ERBB4: variants seen among roughly 807,000 people sequenced by gnomAD.
ERBB4 encodes erb-b2 receptor tyrosine kinase 4, also known as receptor tyrosine-protein kinase erbB-4.
A neutral mutation model predicts 158.0 loss-of-function variants in ERBB4; 42 were observed. That is an observed-to-expected ratio of 0.27 (90% confidence interval 0.21 to 0.34). ERBB4 has a LOEUF of 0.34. ERBB4 is among the 10% of genes least tolerant of loss of function. The pLI, the probability that ERBB4 is intolerant of heterozygous loss-of-function variation, is 1.00. For synonymous variants in ERBB4, 583 were observed against 558.7 expected, an observed-to-expected ratio of 1.04 and a Z score of -0.61; for missense variants, 1,333 against 1,624.1, an observed-to-expected ratio of 0.82 and a Z score of 3.08.
chr2:211,476,365 A>G (rs969483550), intron 20 of ERBB4, among the ~76,000 whole-genome samples: 3 of 152,118 alleles, frequency 2.0e-5, no homozygotes, highest in African/African-American at 7.2e-5. Context: ...GTGAGACAAA[A>G]GAGAATCACT....
At chr2:212,395,523 G>A (rs919992912) in intron 1 of ERBB4, among the ~76,000 whole-genome samples, 1 of 150,984 alleles carries the variant, frequency 6.6e-6, no homozygotes, top group Non-Finnish European at 1.5e-5. Context: ...CCTATGCTAA[G>A]GAAAGAGCAT....
chr2:211,420,610 C>T lies in ERBB4; in HGVS notation c.2966G>A (p.Gly989Asp), dbSNP rs757867095. ...ACTGGGAAGCTTCATACGATCATCA[C>T]CCTAAAAGAAAGATTGCCCATCAGA... ...RDPQRYLVIQ[G>D]DDRMKLPSPN... The change falls in exon 25 of 28, where the codon GGT (glycine) becomes GAT (aspartate). Residue 989 changes from glycine to aspartate, a missense_variant and splice_region_variant. Coordinates refer to ENST00000342788, the MANE Select transcript of ERBB4 (RefSeq NM_005235.3). The T allele has an allele frequency of 1.9e-6, 3 of 1,605,486 alleles. No individual in the cohort carries two copies. Among genetic ancestry groups the T allele is most frequent in the East Asian group, 4.5e-5 (2 of 44,756 alleles).
chr2:212,210,165 A>G (rs2082888550), intron 1 of ERBB4, among the ~76,000 whole-genome samples: 1 of 151,510 alleles, frequency 6.6e-6, no homozygotes, highest in Non-Finnish European at 1.5e-5. Flanking sequence ...AAGAAATGAA[A>G]GTAGGAAGTT....
rs112995092 is a variant in ERBB4 at position 211,673,435 on chromosome 2, A to G, written c.1623-178T>C. On this transcript the variant is annotated intron_variant, in intron 13 of 27. Coordinates refer to ENST00000342788, the MANE Select transcript of ERBB4 (RefSeq NM_005235.3). ...AGGAGAAAAGATAAACTGCAGCCAG[A>G]TGGCTCTCCCTGTCCTCCATTGAGT... Among the ~76,000 whole-genome samples the G allele has an allele frequency of 4.2e-3, 626 of 148,822 alleles. 5 individuals carry two copies. Among genetic ancestry groups the G allele is most frequent in the African/African-American group, 0.015 (592 of 40,302 alleles).
At chr2:211,937,630 C>T (rs839528) in intron 3 of ERBB4, among the ~76,000 whole-genome samples, 26,509 of 152,030 alleles carry the variant, frequency 0.17, 2,693 homozygotes, top group African/African-American at 0.28. Context: ...ACACATCCTT[C>T]TTCACAGGCC....
At chr2:211,895,283 G>T (rs576296104) in intron 3 of ERBB4, among the ~76,000 whole-genome samples, 93 of 152,206 alleles carry the variant, frequency 6.1e-4, no homozygotes, top group Non-Finnish European at 1.2e-3. Flanking sequence ...TTGTGACAGG[G>T]TCTCTCTCCG....
At chr2:212,296,102 A>C (rs1372499646) in intron 1 of ERBB4, among the ~76,000 whole-genome samples, 1 of 151,990 alleles carries the variant, frequency 6.6e-6, no homozygotes, top group East Asian at 1.9e-4. Flanking sequence ...TATGTAATTC[A>C]TTGAGCATTC....
At chr2:211,784,754 T>A (rs1486654176) in intron 4 of ERBB4, among the ~76,000 whole-genome samples, 1 of 152,186 alleles carries the variant, frequency 6.6e-6, no homozygotes, top group Non-Finnish European at 1.5e-5. Context: ...CTCACATTTG[T>A]TATTTTCTTT....
At chr2:212,243,582 G>A (rs943035829) in intron 1 of ERBB4, among the ~76,000 whole-genome samples, 3 of 151,988 alleles carry the variant, frequency 2.0e-5, no homozygotes, top group African/African-American at 7.3e-5. Context: ...TTTTTTCAGA[G>A]TAAATATACT....
intron 3 of ERBB4, among the ~76,000 whole-genome samples, chr2:211,790,465 G>T (rs1224659561): frequency 6.6e-6 from 1 of 151,988 alleles, no homozygotes; most frequent in Non-Finnish European, 1.5e-5. Flanking sequence ...AATAGAATCA[G>T]ATTATATTAT....
intron 1 of ERBB4, among the ~76,000 whole-genome samples, chr2:212,535,852 T>C (rs939781807): frequency 6.6e-6 from 1 of 152,218 alleles, no homozygotes; most frequent in Admixed American, 6.5e-5. Context: ...TAAAGATCTA[T>C]ACAACAGCAT....
Position 211,921,546 on chromosome 2 carries a change from TGA to T in ERBB4, c.421+25882_421+25883del, listed in dbSNP as rs147050875. Among the ~76,000 whole-genome samples, 536 of 152,178 alleles carry T rather than the reference TGA, an allele frequency of 3.5e-3. 1 individual carries two copies. Among genetic ancestry groups the T allele is most frequent in the African/African-American group, 0.012 (518 of 41,552 alleles). ...AACAAATTTGCATCATATCAGTGAA[TGA>T]GAGAGAGAAGGTTTCTATTCTCTTA... On this transcript the variant is annotated intron_variant, in intron 3 of 27. Coordinates refer to ENST00000342788, the MANE Select transcript of ERBB4 (RefSeq NM_005235.3).
At chr2:212,484,413 G>T (rs1689870543) in intron 1 of ERBB4, among the ~76,000 whole-genome samples, 1 of 152,108 alleles carries the variant, frequency 6.6e-6, no homozygotes, top group Admixed American at 6.5e-5. Flanking sequence ...AACATTTATT[G>T]TAAGGTGAAC....
intron 1 of ERBB4, among the ~76,000 whole-genome samples, chr2:212,478,397 A>G (rs1198931412): frequency 6.6e-6 from 1 of 152,080 alleles, no homozygotes; most frequent in Non-Finnish European, 1.5e-5. Flanking sequence ...TTGAACTACG[A>G]AATCCCAAAG....
rs980261723 is a variant in ERBB4, at chr2:212,324,018, C to T, written c.83-199115G>A. On this transcript the variant is annotated intron_variant, in intron 1 of 27. Coordinates refer to ENST00000342788, the MANE Select transcript of ERBB4 (RefSeq NM_005235.3). Reference sequence around the variant, plus strand: ...GTGTTCCAGTATCCACCAACTCATACGAATTTCCAGAATATCGTAAGTCAA... The same window carrying T: ...GTGTTCCAGTATCCACCAACTCATATGAATTTCCAGAATATCGTAAGTCAA... Among the ~76,000 whole-genome samples the T allele has an allele frequency of 7.3e-5, 11 of 150,392 alleles. 1 individual carries two copies. The highest frequency in any genetic ancestry group is 1.6e-4 in the Non-Finnish European group (11 of 67,150).
At chr2:212,493,248 A>C (rs2106207921) in intron 1 of ERBB4, among the ~76,000 whole-genome samples, 1 of 151,646 alleles carries the variant, frequency 6.6e-6, no homozygotes, top group Admixed American at 6.6e-5. Context: ...ACACACATAT[A>C]AATAAATGTA....
Position 212,025,428 on chromosome 2 carries a change from AAG to A in ERBB4, c.235-77814_235-77813del, listed in dbSNP as rs547508473. Among the ~76,000 whole-genome samples the A allele has an allele frequency of 1.1e-3, 170 of 151,946 alleles. 1 individual carries two copies. Among genetic ancestry groups the A allele is most frequent in the Non-Finnish European group, 1.7e-3 (117 of 67,778 alleles). On this transcript the variant is annotated intron_variant, in intron 2 of 27. Transcript: ENST00000342788. ...TATTCATATTTATGATGGAATTACAAAGAGAAGTAGAAAGTCTTGTCCAAAGA... is the reference window on the plus strand; with the variant it reads ...TATTCATATTTATGATGGAATTACAAAGAAGTAGAAAGTCTTGTCCAAAGA...
At chr2:211,691,202 A>G (rs1403486778) in intron 12 of ERBB4, among the ~76,000 whole-genome samples, 1 of 152,132 alleles carries the variant, frequency 6.6e-6, no homozygotes, top group African/African-American at 2.4e-5. Context: ...TTAAACCCTT[A>G]CTCTGTAATT....
intron 1 of ERBB4, among the ~76,000 whole-genome samples, chr2:212,303,362 T>A (rs969910223): frequency 5.4e-5 from 7 of 129,212 alleles, no homozygotes; most frequent in Non-Finnish European, 1.1e-4. Flanking sequence ...CATGTCAGTA[T>A]AGGAATGGAT....
Sources: allele counts gnomAD v4.1 joint callset (sites outside exome capture counted in the v4.1 genomes callset), GRCh38; gene constraint gnomAD v4.1.1; transcripts MANE v1.5; gene names NCBI Gene and HGNC (gene_info 2026-07-23, HGNC 2026-07-21).